The following PLD1 variants were observed in gnomAD, a reference collection of about 807,000 sequenced individuals.
PLD1 encodes phospholipase D1.
A neutral mutation model predicts 137.1 loss-of-function variants in PLD1; 112 were observed. The ratio of observed to expected loss-of-function variants is 0.82; its 90% CI spans 0.70 to 0.96. The LOEUF (loss-of-function observed/expected upper bound fraction) is 0.96, where lower values mean the gene tolerates loss of function less well. PLD1 is among the 40% of genes least tolerant of loss of function. The probability of loss-of-function intolerance (pLI) is 0.00; values close to 1 mark genes in which losing one functional copy is unlikely to be tolerated. For synonymous variants in PLD1, 431 were observed against 454.7 expected, an observed-to-expected ratio of 0.95 and a Z score of 0.66; for missense variants, 1,321 against 1,342.0, an observed-to-expected ratio of 0.98 and a Z score of 0.24.
intron 21 of PLD1, among the ~76,000 whole-genome samples, chr3:171,649,411 T>C (rs898186062): frequency 4.6e-5 from 7 of 152,276 alleles, no homozygotes; most frequent in South Asian, 2.1e-4. Context: ...AAACGCAAAA[T>C]TGTGGTTGAA....
At position 171,633,330 on chromosome 3, in the gene PLD1, T is replaced by C. The variant is rs78967215; in HGVS notation, c.2593+9510A>G. On this transcript the variant is annotated intron_variant, in intron 23 of 26. Transcript: ENST00000351298. ...AATATGAGCAAGCCAGGAGCATACA[T>C]AAGCATTAATGTGAAGAAATAGATG... Among the ~76,000 whole-genome samples the C allele has an allele frequency of 3.9e-5, 6 of 152,292 alleles. No homozygotes were observed. The East Asian group carries it at 1.2e-3, about 29-fold the overall frequency.
chr3:171,746,077 C>G (rs1417099920), intron 1 of PLD1, among the ~76,000 whole-genome samples: 2 of 152,320 alleles, frequency 1.3e-5, no homozygotes, highest in African/African-American at 4.8e-5. Flanking sequence ...GCCGGCCCGC[C>G]CCACTGCGCT....
rs147628610 is a variant in PLD1 at position 171,607,191 on chromosome 3, A to C, written c.2883-1775T>G. 2.8e-3 allele frequency among the ~76,000 whole-genome samples: 419 copies of C among 152,294 alleles called. 1 individual carries two copies. The highest frequency in any genetic ancestry group is 4.9e-3 in the Non-Finnish European group (330 of 68,026). ...GCCTCCTTCAGACTACACGAGAATA[A>C]CTTTTTTTAAAAAAAGATTTAAGAG... On this transcript the variant is annotated intron_variant, in intron 25 of 26. Transcript: ENST00000351298.
At chr3:171,620,301 G>A in intron 24 of PLD1, 85 bp downstream of exon 24, 1 of 923,298 alleles carries the variant, frequency 1.1e-6, no homozygotes, top group Admixed American at 2.2e-5. Flanking sequence ...TGCAAAGGAT[G>A]CTTAGGAGGA....
intron 9 of PLD1, among the ~76,000 whole-genome samples, chr3:171,710,423 A>C (rs1024358394): frequency 6.6e-6 from 1 of 152,158 alleles, no homozygotes; most frequent in Non-Finnish European, 1.5e-5. Flanking sequence ...TTTCGAGATG[A>C]AACCGTTCCA....
At chr3:171,690,364 C>T (rs961680607) in intron 13 of PLD1, among the ~76,000 whole-genome samples, 1 of 152,054 alleles carries the variant, frequency 6.6e-6, no homozygotes, top group African/African-American at 2.4e-5. Flanking sequence ...TTTCCCACTG[C>T]TCCAATCTTT....
intron 23 of PLD1, among the ~76,000 whole-genome samples, chr3:171,636,341 G>A (rs1031579747): frequency 1.3e-5 from 2 of 152,022 alleles, no homozygotes; most frequent in Admixed American, 1.3e-4. Context: ...TAGGGATTGT[G>A]TTGAATGTAT....
At chr3:171,622,061 C>T (rs1280507295) in intron 23 of PLD1, among the ~76,000 whole-genome samples, 2 of 152,102 alleles carry the variant, frequency 1.3e-5, no homozygotes, top group East Asian at 1.9e-4. Context: ...AAATATTTTA[C>T]CTTTTAATTT....
intron 18 of PLD1, among the ~76,000 whole-genome samples, chr3:171,676,030 C>T (rs1713315355): frequency 1.3e-5 from 2 of 151,932 alleles, no homozygotes; most frequent in Admixed American, 1.3e-4. Flanking sequence ...TTAGTAGAGA[C>T]AGGTTTTCAC....
chr3:171,781,546 A>C (rs780535606), intron 1 of PLD1, among the ~76,000 whole-genome samples: 35 of 152,198 alleles, frequency 2.3e-4, no homozygotes, highest in Non-Finnish European at 4.1e-4. Context: ...ATACATAATG[A>C]ATGCCTACAA....
chr3:171,764,871 GAAAGAAA>G (rs1721740690), intron 1 of PLD1, among the ~76,000 whole-genome samples: 1 of 34,420 alleles, frequency 2.9e-5, no homozygotes, highest in Non-Finnish European at 5.8e-5. Flanking sequence ...AAGAAAGAAA[GAAAGAAA>G]GAAAGAAAGA....
In PLD1 at chr3:171,659,300, T is replaced by A. The variant is rs1275503318; in HGVS notation, c.2342A>T (p.Asn781Ile). Reference sequence around the variant, plus strand: ...ATCAGCACAGCTTATGAAAAACTGGTTCTATGAGAAATAAACAAGACAATC... The same window carrying A: ...ATCAGCACAGCTTATGAAAAACTGGATCTATGAGAAATAAACAAGACAATC... ...ENSRHYIYIE[N>I]QFFISCADDK... The change falls in exon 21 of 27, where the codon AAC becomes ATC. Residue 781 changes from asparagine to isoleucine, a missense_variant and splice_region_variant. Physicochemically the swap from Asn to Ile is moderately radical, Grantham distance 149. Transcript: ENST00000351298. 1 of 1,599,526 alleles carries A rather than the reference T, an allele frequency of 6.3e-7. No individual in the cohort carries two copies. Among genetic ancestry groups the A allele is most frequent in the Non-Finnish European group, 8.6e-7 (1 of 1,166,742 alleles).
chr3:171,694,622 A>G (rs554495987), intron 12 of PLD1, among the ~76,000 whole-genome samples: 1 of 152,266 alleles, frequency 6.6e-6, no homozygotes, highest in Admixed American at 6.5e-5. Context: ...TTTCAACCTA[A>G]ATAGTAGAAC....
chr3:171,748,306 T>C (rs1435668956), intron 1 of PLD1, among the ~76,000 whole-genome samples: 1 of 152,212 alleles, frequency 6.6e-6, no homozygotes, highest in African/African-American at 2.4e-5. Context: ...AAAATTCTTC[T>C]TTATAAAAGA....
intron 11 of PLD1, among the ~76,000 whole-genome samples, chr3:171,708,116 C>T (rs2108560954): frequency 2.6e-5 from 4 of 152,284 alleles, no homozygotes; most frequent in Admixed American, 2.6e-4. Context: ...TTTTAACTTT[C>T]CAGGCAGATG....
chr3:171,790,645 C>A (rs1407245283), intron 1 of PLD1, among the ~76,000 whole-genome samples: 1 of 152,152 alleles, frequency 6.6e-6, no homozygotes, highest in Non-Finnish European at 1.5e-5. Context: ...TGAGACAGGG[C>A]CTGCAAAGGA....
At chr3:171,725,897 T>G (rs1718468702) in intron 7 of PLD1, 121 bp downstream of exon 7, 2 of 706,904 alleles carry the variant, frequency 2.8e-6, no homozygotes, top group Admixed American at 2.2e-5. Flanking sequence ...CTCTAACTAC[T>G]GGGGAGAAGA....
intron 16 of PLD1, among the ~76,000 whole-genome samples, chr3:171,686,029 C>T (rs1314591574): frequency 2.0e-5 from 3 of 149,910 alleles, no homozygotes; most frequent in Non-Finnish European, 2.9e-5. Context: ...TGAGCTGAGG[C>T]AGGAGAATCG....
chr3:171,633,952 C>G (rs1734896356), intron 23 of PLD1, among the ~76,000 whole-genome samples: 1 of 152,200 alleles, frequency 6.6e-6, no homozygotes, highest in African/African-American at 2.4e-5. Flanking sequence ...ATATTCATAG[C>G]AGCAGTTTTG....
Sources: allele counts gnomAD v4.1 joint callset (sites outside exome capture counted in the v4.1 genomes callset), GRCh38; gene constraint gnomAD v4.1.1; transcripts MANE v1.5; gene names NCBI Gene and HGNC (gene_info 2026-07-23, HGNC 2026-07-21).